CNTNAP2: variants seen among roughly 807,000 people sequenced by gnomAD.
CNTNAP2 encodes contactin-associated protein-like 2.
CNTNAP2 carries 98 observed loss-of-function variants against 155.2 expected under a neutral mutation model. The observed-to-expected ratio is 0.63, with a 90% CI of 0.54 to 0.75. The LOEUF is 0.75. CNTNAP2 is among the 30% of genes least tolerant of loss of function. The pLI is 0.00. For missense variants in CNTNAP2, 1,727 were observed against 1,688.1 expected (o/e 1.02, Z -0.40); for synonymous variants, 651 against 631.2 (o/e 1.03, Z -0.47).
chr7:146,932,919 T>C (rs1029016501), intron 3 of CNTNAP2, among the ~76,000 whole-genome samples: 30 of 152,090 alleles, frequency 2.0e-4, no homozygotes, highest in African/African-American at 7.2e-4. Flanking sequence ...TACAAACCAC[T>C]TCTCAATGAA....
At chr7:146,641,163 A>AAAAAT in intron 1 of CNTNAP2, among the ~76,000 whole-genome samples, 2 of 152,130 alleles carry the variant, frequency 1.3e-5, no homozygotes, top group South Asian at 4.2e-4. Flanking sequence ...CGTCTTTACT[A>AAAAAT]AAAATACAAA....
chr7:148,381,330 C>G (rs1248810706), intron 21 of CNTNAP2: 1 of 152,222 alleles, frequency 6.6e-6, no homozygotes, highest in Non-Finnish European at 1.5e-5. Context: ...GAGCTCTTGT[C>G]CCACATCCAG....
intron 16 of CNTNAP2, among the ~76,000 whole-genome samples, chr7:148,146,725 C>T (rs1805186786): frequency 6.6e-6 from 1 of 152,172 alleles, no homozygotes. Flanking sequence ...AAATGTAGGT[C>T]ACCCTCATTA....
chr7:146,725,696 A>T (rs1467377431), intron 1 of CNTNAP2, among the ~76,000 whole-genome samples: 1 of 151,970 alleles, frequency 6.6e-6, no homozygotes, highest in East Asian at 1.9e-4. Context: ...TGCACATCTG[A>T]TGATGGATGG....
rs144705715 is a variant in CNTNAP2 at position 147,620,297 on chromosome 7, A to G, written c.1898-18809A>G. On this transcript the variant is annotated intron_variant, in intron 12 of 23. Transcript: ENST00000361727. ...TCCAAGAACATCTACTAGTATCAACACCATCCAGGAAAACATGACTTCACC... is the reference window on the plus strand; with the variant it reads ...TCCAAGAACATCTACTAGTATCAACGCCATCCAGGAAAACATGACTTCACC... 5.6e-4 allele frequency among the ~76,000 whole-genome samples: 86 copies of G among 152,288 alleles called. 2 individuals are homozygous for G. The East Asian group carries it at 0.013, about 23-fold the overall frequency.
At chr7:146,401,976 A>C (rs1170086468) in intron 1 of CNTNAP2, among the ~76,000 whole-genome samples, 1 of 152,200 alleles carries the variant, frequency 6.6e-6, no homozygotes, top group Non-Finnish European at 1.5e-5. Context: ...TGTAAAAAGC[A>C]TAAAATGTAA....
intron 1 of CNTNAP2, among the ~76,000 whole-genome samples, chr7:146,477,222 A>T (rs756537530): frequency 6.6e-6 from 1 of 152,160 alleles, no homozygotes; most frequent in Non-Finnish European, 1.5e-5. Context: ...GAGGAAACGA[A>T]TTTATCACTA....
At chr7:147,083,817 T>C (rs1563070532) in intron 4 of CNTNAP2, among the ~76,000 whole-genome samples, 1 of 137,432 alleles carries the variant, frequency 7.3e-6, no homozygotes, top group Non-Finnish European at 1.5e-5. Flanking sequence ...ATGTACATAT[T>C]ATATACATAT....
At chr7:147,646,587 A>ATT (rs5888278) in intron 13 of CNTNAP2, among the ~76,000 whole-genome samples, 9 of 150,780 alleles carry the variant, frequency 6.0e-5, no homozygotes, top group African/African-American at 1.7e-4. Context: ...TTATGTACCA[A>ATT]TTTTTTTTTT....
At chr7:148,059,078 C>A (rs117485805) in intron 15 of CNTNAP2, among the ~76,000 whole-genome samples, 1 of 151,590 alleles carries the variant, frequency 6.6e-6, no homozygotes, top group African/African-American at 2.4e-5. Context: ...GTCAGGAATT[C>A]GAGACCAACC....
chr7:148,005,196 C>T (rs929302099), intron 15 of CNTNAP2, among the ~76,000 whole-genome samples: 2 of 152,162 alleles, frequency 1.3e-5, no homozygotes, highest in South Asian at 2.1e-4. Flanking sequence ...GCACTCGTCT[C>T]GGTAGCAGTC....
intron 1 of CNTNAP2, among the ~76,000 whole-genome samples, chr7:146,339,963 G>A (rs1328868277): frequency 1.3e-5 from 2 of 151,994 alleles, no homozygotes; most frequent in African/African-American, 2.4e-5. Context: ...GAGGTCAGGA[G>A]ATCGAAACCA....
At chr7:147,909,930 G>A (rs1307594077) in intron 14 of CNTNAP2, among the ~76,000 whole-genome samples, 1 of 152,098 alleles carries the variant, frequency 6.6e-6, no homozygotes, top group Non-Finnish European at 1.5e-5. Flanking sequence ...CTCAACATTA[G>A]AAAGGCCAAA....
At chr7:146,599,364 C>T (rs1798911386) in intron 1 of CNTNAP2, among the ~76,000 whole-genome samples, 2 of 152,058 alleles carry the variant, frequency 1.3e-5, no homozygotes, top group Admixed American at 6.6e-5. Context: ...ATAATAAAAG[C>T]CACAGGTTAT....
intron 3 of CNTNAP2, among the ~76,000 whole-genome samples, chr7:146,999,480 T>G (rs1798382052): frequency 6.6e-6 from 1 of 152,084 alleles, no homozygotes; most frequent in East Asian, 1.9e-4. Context: ...TGTACTTACA[T>G]TACAGTGAGT....
intron 15 of CNTNAP2, among the ~76,000 whole-genome samples, chr7:148,071,389 G>C (rs1353007018): frequency 6.6e-6 from 1 of 152,122 alleles, no homozygotes; most frequent in Non-Finnish European, 1.5e-5. Context: ...CTGAGGCAGG[G>C]GAATTGCTTG....
At chr7:147,856,313 A>G (rs1166904483) in intron 13 of CNTNAP2, among the ~76,000 whole-genome samples, 1 of 152,122 alleles carries the variant, frequency 6.6e-6, no homozygotes, top group African/African-American at 2.4e-5. Context: ...GGAGAACTTG[A>G]AGAAAAGAAA....
Position 147,582,266 on chromosome 7 carries a change from C to T in CNTNAP2, c.1897+20009C>T, listed in dbSNP as rs144899564. ...TGAGAGATTACATTAAGTTGGTTATCGATCATACTGTATAGGTTCACTTTA... is the reference window on the plus strand; with the variant it reads ...TGAGAGATTACATTAAGTTGGTTATTGATCATACTGTATAGGTTCACTTTA... On this transcript the variant is annotated intron_variant, in intron 12 of 23. Coordinates refer to ENST00000361727, the MANE Select transcript of CNTNAP2 (RefSeq NM_014141.6). Among the ~76,000 whole-genome samples, 560 of 152,152 alleles carry T rather than the reference C, an allele frequency of 3.7e-3. 1 individual carries two copies. The highest frequency in any genetic ancestry group is 0.012 in the African/African-American group (513 of 41,510).
At chr7:147,125,711 C>G (rs1222787151) in intron 6 of CNTNAP2, among the ~76,000 whole-genome samples, 3 of 152,154 alleles carry the variant, frequency 2.0e-5, no homozygotes, top group Non-Finnish European at 4.4e-5. Flanking sequence ...TGTTTCTGCC[C>G]TTTAATGGTT....
Sources: gnomAD v4.1 joint callset for allele counts (sites outside exome capture counted in the v4.1 genomes callset) on GRCh38, gnomAD v4.1.1 for gene constraint, MANE v1.5 for transcripts, NCBI Gene and HGNC (gene_info 2026-07-23, HGNC 2026-07-21) for gene names.